Variants in STC1 observed in about 807,000 individuals in gnomAD.
STC1 encodes stanniocalcin 1, also known as stanniocalcin-1.
In STC1, 7 loss-of-function variants were observed where a neutral mutation model predicts 22.6. That is an observed-to-expected ratio of 0.31 (90% confidence interval 0.18 to 0.58). The LOEUF (loss-of-function observed/expected upper bound fraction) is 0.58, where lower values mean the gene tolerates loss of function less well. Among genes scored for constraint, STC1 ranks in the 20% least tolerant of loss-of-function variants. The pLI is 0.89. For missense variants in STC1, 224 were observed against 311.0 expected (o/e 0.72, Z 2.10); for synonymous variants, 113 against 120.7 (o/e 0.94, Z 0.42).
chr8:23,844,154 G>A lies in STC1; in HGVS notation c.*616C>T, dbSNP rs926229786. On this transcript the variant is annotated 3_prime_UTR_variant, in exon 4 of 4. Transcript: ENST00000290271. ...GCTTTTTGTTTTTCATTAGATGCAA[G>A]AAGATGCAGGCTCAAAGTCTGGTTG... 5 of 153,806 alleles carry A rather than the reference G, an allele frequency of 3.3e-5. No homozygotes were observed. Among genetic ancestry groups the A allele is most frequent in the African/African-American group, 1.2e-4 (5 of 41,452 alleles). The allele number at this position is 153,806 out of a possible 1,614,324, so 9.5% of individuals were successfully genotyped here. A position where few individuals can be genotyped will look rare whatever the true frequency, so the allele number is the denominator to read the frequency against.
rs1391599764 is a variant in STC1, at chr8:23,852,232, G to A, written c.261+10C>T. 6.2e-7 allele frequency: 1 copy of A among 1,613,972 alleles called. No individual in the cohort carries two copies. Among genetic ancestry groups the A allele is most frequent in the Non-Finnish European group, 8.5e-7 (1 of 1,180,014 alleles). Reference sequence around the variant, plus strand: ...GCAGCCAGTGGGAGCAGGGGTCAAGGTTTTATTACCTGAGTGTCAAATTTA... The same window carrying A: ...GCAGCCAGTGGGAGCAGGGGTCAAGATTTTATTACCTGAGTGTCAAATTTA... On this transcript the variant is annotated intron_variant, in intron 2 of 3. Coordinates refer to ENST00000290271, the MANE Select transcript of STC1 (RefSeq NM_003155.3).
rs1802648567 is a variant in STC1 at position 23,852,379 on chromosome 8, C to T, written c.124G>A (p.Val42Met). ...SRVAAQNSAEVVRCLNSALQV... is the reference protein window; with the variant it reads ...SRVAAQNSAEMVRCLNSALQV... ...AGAGCACTGTTGAGGCAACGAACCA[C>T]TTCAGCTGAAAGAGACAAATCCATC... Residue 42 changes from valine to methionine, a missense_variant, in exon 2 of 4, where the codon GTG becomes ATG. Transcript: ENST00000290271. The T allele has an allele frequency of 6.3e-7, 1 of 1,595,648 alleles. No homozygotes were observed. The highest frequency in any genetic ancestry group is 1.1e-5 in the South Asian group (1 of 87,418).
intron 3 of STC1, among the ~76,000 whole-genome samples, chr8:23,851,035 GC>G (rs202010887): frequency 0.015 from 2,322 of 150,972 alleles, 61 homozygotes; most frequent in African/African-American, 0.053. Flanking sequence ...CAGGCTTATG[GC>G]AAAAAATGGT....
At position 23,852,272 on chromosome 8, in the gene STC1, G is replaced by C; in HGVS notation, c.231C>G (p.Phe77Leu). The change falls in exon 2 of 4, where the codon TTC becomes TTG. Residue 77 changes from phenylalanine (F) to leucine (L), a missense_variant. Physicochemically the swap from Phe to Leu is conservative, Grantham distance 22. Transcript: ENST00000290271. The part of the protein sequence containing the change: ...TDGMYDICKS[F>L]LYSAAKFDTQ... ...TGTCAAATTTAGCAGCGCTGTACAAGAAGGATTTACAGATGTCATACATCC... is the reference window on the plus strand; with the variant it reads ...TGTCAAATTTAGCAGCGCTGTACAACAAGGATTTACAGATGTCATACATCC... 6.2e-7 allele frequency: 1 copy of C among 1,614,194 alleles called. No individual in the cohort carries two copies. The highest frequency in any genetic ancestry group is 2.2e-5 in the East Asian group (1 of 44,872).
chr8:23,852,125 G>C (rs561777281), intron 2 of STC1, 117 bp downstream of exon 2: 840 of 1,217,326 alleles, frequency 6.9e-4, no homozygotes, highest in South Asian at 2.8e-3. Flanking sequence ...TGGGAATTTA[G>C]AGTGGGGAAG....
At chr8:23,846,537 A>G (rs1802575664) in intron 3 of STC1, among the ~76,000 whole-genome samples, 1 of 152,242 alleles carries the variant, frequency 6.6e-6, no homozygotes, top group African/African-American at 2.4e-5. Flanking sequence ...GCACAGGATC[A>G]AACATCTTTC....
intron 3 of STC1, among the ~76,000 whole-genome samples, chr8:23,845,378 G>A (rs1460266995): frequency 6.6e-6 from 1 of 152,102 alleles, no homozygotes; most frequent in Non-Finnish European, 1.5e-5. Flanking sequence ...GAGACCATTT[G>A]GTGACTAGTT....
intron 2 of STC1, among the ~76,000 whole-genome samples, chr8:23,851,899 C>T (rs1802642656): frequency 6.6e-6 from 1 of 152,128 alleles, no homozygotes; most frequent in Non-Finnish European, 1.5e-5. Flanking sequence ...AACTTCCTTG[C>T]TCTATGCACG....
In STC1 at chr8:23,844,887, A is replaced by G. The variant is rs950346077; in HGVS notation, c.627T>C (p.Ala209=). The change falls in exon 4 of 4, where the codon GCT becomes GCC. Residue 209 remains alanine, a synonymous_variant. Coordinates refer to ENST00000290271, the MANE Select transcript of STC1 (RefSeq NM_003155.3). Reference sequence around the variant, plus strand: ...CATTGGTGCGTCTCCTGTTGAAGTCAGCTCGTGGGTGTGTTTGGGCACAGT... The same window carrying G: ...CATTGGTGCGTCTCCTGTTGAAGTCGGCTCGTGGGTGTGTTTGGGCACAGT... ...TDHCAQTHPR[A]DFNRRRTNEP... 6.2e-7 allele frequency: 1 copy of G among 1,614,072 alleles called. No individual in the cohort carries two copies. Among genetic ancestry groups the G allele is most frequent in the Non-Finnish European group, 8.5e-7 (1 of 1,180,014 alleles).
chr8:23,848,616 T>C (rs1802601147), intron 3 of STC1, among the ~76,000 whole-genome samples: 1 of 151,342 alleles, frequency 6.6e-6, no homozygotes, highest in African/African-American at 2.4e-5. Context: ...TTGGAAAGAC[T>C]TGGTGGACTA....
At chr8:23,854,123 T>C in intron 1 of STC1, 4 of 1,242,204 alleles carry the variant, frequency 3.2e-6, no homozygotes, top group Non-Finnish European at 3.1e-6. Flanking sequence ...CTCTCACCCC[T>C]CCCCCTCCAA....
chr8:23,851,241 C>A, intron 3 of STC1, 79 bp downstream of exon 3: 3 of 1,392,332 alleles, frequency 2.2e-6, no homozygotes, highest in Non-Finnish European at 3.1e-6. Flanking sequence ...GCAATTTAAC[C>A]CTCCCTCCCA....
intron 3 of STC1, among the ~76,000 whole-genome samples, chr8:23,848,204 C>T (rs1022364726): frequency 6.6e-6 from 1 of 152,140 alleles, no homozygotes; most frequent in South Asian, 2.1e-4. Context: ...CTTACATCCC[C>T]TCCTTTGCAG....
chr8:23,842,734 A>G lies in STC1; in HGVS notation c.*2036T>C, dbSNP rs1025596972. The G allele has an allele frequency of 6.6e-6, 1 of 152,564 alleles. No homozygotes were observed. Among genetic ancestry groups the G allele is most frequent in the African/African-American group, 2.4e-5 (1 of 41,382 alleles). The allele number at this position is 152,564 out of a possible 1,614,324, so 9.5% of individuals were successfully genotyped here. A position where few individuals can be genotyped will look rare whatever the true frequency, so the allele number is the denominator to read the frequency against. On this transcript the variant is annotated 3_prime_UTR_variant, in exon 4 of 4. Transcript: ENST00000290271. ...TAGAATATGGTCTACCTGATTTCCA[A>G]GAGGCTAAGGCAGTGTCCATAAGTT...
intron 3 of STC1, among the ~76,000 whole-genome samples, chr8:23,845,805 T>C (rs765241793): frequency 5.3e-5 from 8 of 152,242 alleles, no homozygotes; most frequent in South Asian, 2.1e-4. Flanking sequence ...TAAGGGTTCA[T>C]GCTACTATAA....
At position 23,844,579 on chromosome 8, in the gene STC1, G is replaced by T; in HGVS notation, c.*191C>A. 1 of 657,832 alleles carries T rather than the reference G, an allele frequency of 1.5e-6. No individual in the cohort carries two copies. Among genetic ancestry groups the T allele is most frequent in the Non-Finnish European group, 2.5e-6 (1 of 395,370 alleles). 40.7% of individuals were successfully genotyped at this position (657,832 alleles called of 1,614,324 possible). A position where few individuals can be genotyped will look rare whatever the true frequency, so the allele number is the denominator to read the frequency against. On this transcript the variant is annotated 3_prime_UTR_variant, in exon 4 of 4. Coordinates refer to ENST00000290271, the MANE Select transcript of STC1 (RefSeq NM_003155.3). ...GAATGGTCACATGGATTTTGTTGGT[G>T]GGAATGCTGCCATTGCAGAATGTTG...
rs565084518 is a variant in STC1 at position 23,842,196 on chromosome 8, C to A, written c.*2574G>T. On this transcript the variant is annotated 3_prime_UTR_variant, in exon 4 of 4. Coordinates refer to ENST00000290271, the MANE Select transcript of STC1 (RefSeq NM_003155.3). ...TCATTTAAATTATAAATACATAATGCAAATATAATGGCACAAAAATGTCTA... is the reference window on the plus strand; with the variant it reads ...TCATTTAAATTATAAATACATAATGAAAATATAATGGCACAAAAATGTCTA... The A allele has an allele frequency of 3.3e-5, 5 of 152,378 alleles. No individual in the cohort carries two copies. The East Asian group carries it at 9.7e-4, about 29-fold the overall frequency. The allele number at this position is 152,378 out of a possible 1,614,324, so 9.4% of individuals were successfully genotyped here. A position where few individuals can be genotyped will look rare whatever the true frequency, so the allele number is the denominator to read the frequency against.
chr8:23,847,351 G>A (rs535944278), intron 3 of STC1, among the ~76,000 whole-genome samples: 87 of 152,244 alleles, frequency 5.7e-4, no homozygotes, highest in African/African-American at 2.0e-3. Context: ...TGCTTTGTCT[G>A]CTGGCTCAGA....
rs147266753 is a variant in STC1 at position 23,846,862 on chromosome 8, G to A, written c.474-1822C>T. Among the ~76,000 whole-genome samples the A allele has an allele frequency of 1.1e-4, 16 of 152,314 alleles. No individual in the cohort carries two copies. The East Asian group carries it at 1.5e-3, about 15-fold the overall frequency. On this transcript the variant is annotated intron_variant, in intron 3 of 3. Transcript: ENST00000290271. ...GGGAAATGAGGAGAAAACCAGTTTT[G>A]GAGAAACATAGAATAAACAACTTTG...
Sources: gnomAD v4.1 joint callset for allele counts (sites outside exome capture counted in the v4.1 genomes callset) on GRCh38, gnomAD v4.1.1 for gene constraint, MANE v1.5 for transcripts, NCBI Gene and HGNC (gene_info 2026-07-23, HGNC 2026-07-21) for gene names.